CCDC171: variants seen among roughly 807,000 people sequenced by gnomAD.
CCDC171 encodes coiled-coil domain containing 171.
A neutral mutation model predicts 168.2 loss-of-function variants in CCDC171; 177 were observed. The ratio of observed to expected loss-of-function variants is 1.05; its 90% CI spans 0.93 to 1.19. The LOEUF is 1.19. Ranked by LOEUF, CCDC171 falls within the 50% of genes most tolerant of loss-of-function variation. The pLI is 0.00. For missense variants in CCDC171, 1,991 were observed against 1,539.0 expected, an observed-to-expected ratio of 1.29 and a Z score of -4.91; for synonymous variants, 687 against 540.8, an observed-to-expected ratio of 1.27 and a Z score of -3.75.
At chr9:15,703,558 A>G (rs1005478804) in intron 11 of CCDC171, among the ~76,000 whole-genome samples, 26 of 152,164 alleles carry the variant, frequency 1.7e-4, no homozygotes, top group African/African-American at 6.0e-4. Context: ...AATGTCCTCC[A>G]GTTTCATCCA....
chr9:15,791,787 C>G (rs1205062339), intron 21 of CCDC171, among the ~76,000 whole-genome samples: 1 of 152,132 alleles, frequency 6.6e-6, no homozygotes, highest in Non-Finnish European at 1.5e-5. Context: ...GGAAAACTAA[C>G]AAACAGAAAG....
intron 21 of CCDC171, among the ~76,000 whole-genome samples, chr9:15,822,539 C>A (rs571477711): frequency 1.3e-5 from 2 of 152,144 alleles, no homozygotes; most frequent in African/African-American, 2.4e-5. Flanking sequence ...TGAACAGACA[C>A]TTCTCAAAAG....
chr9:15,894,259 C>T (rs2131542964), intron 24 of CCDC171, among the ~76,000 whole-genome samples: 1 of 152,056 alleles, frequency 6.6e-6, no homozygotes, highest in East Asian at 1.9e-4. Context: ...AAGAACAACA[C>T]ATACTGGGGC....
chr9:15,894,275 G>T (rs1003570050), intron 24 of CCDC171, among the ~76,000 whole-genome samples: 4 of 151,936 alleles, frequency 2.6e-5, no homozygotes, highest in Non-Finnish European at 5.9e-5. Flanking sequence ...GGGGCTTGTT[G>T]GGGGCGAGTT....
chr9:15,981,949 C>T (rs1469753253), intron 3 of CCDC171, among the ~76,000 whole-genome samples: 2 of 152,130 alleles, frequency 1.3e-5, no homozygotes, highest in African/African-American at 4.8e-5. Context: ...CAGTAAAAAG[C>T]TTTCAATTCT....
intron 16 of CCDC171, among the ~76,000 whole-genome samples, chr9:15,732,943 A>G (rs1175272161): frequency 6.6e-6 from 1 of 152,092 alleles, no homozygotes; most frequent in Non-Finnish European, 1.5e-5. Context: ...AGAGATTTTG[A>G]TTTGGTCTGC....
At chr9:16,095,310 A>C in the CCDC171 span, among the ~76,000 whole-genome samples, 2 of 152,296 alleles carry the variant, frequency 1.3e-5, no homozygotes, top group East Asian at 3.9e-4. Context: ...CTACATTCAC[A>C]TACGGGCCCA....
chr9:15,568,827 A>T (rs1351097516), intron 2 of CCDC171, among the ~76,000 whole-genome samples: 2 of 151,576 alleles, frequency 1.3e-5, no homozygotes, highest in African/African-American at 4.8e-5. Context: ...TAATTTGCAA[A>T]TTTTTTTTCC....
At chr9:15,918,442 AC>A (rs1490417242) in intron 24 of CCDC171, among the ~76,000 whole-genome samples, 2 of 151,074 alleles carry the variant, frequency 1.3e-5, no homozygotes, top group Non-Finnish European at 3.0e-5. Flanking sequence ...AAAAAAAAAA[AC>A]CAGGACTTGT....
intron 25 of CCDC171, among the ~76,000 whole-genome samples, chr9:15,927,479 G>A (rs984070791): frequency 2.0e-5 from 3 of 151,668 alleles, no homozygotes; most frequent in African/African-American, 4.8e-5. Context: ...TGTGAGTTAT[G>A]ATGCTGCAAA....
chr9:15,777,672 A>T lies in CCDC171; in HGVS notation c.2744A>T (p.Lys915Ile). 6.2e-7 allele frequency: 1 copy of T among 1,614,090 alleles called. No individual in the cohort carries two copies. Among genetic ancestry groups the T allele is most frequent in the Non-Finnish European group, 8.5e-7 (1 of 1,180,000 alleles). Residue 915 changes from lysine (K) to isoleucine (I), a missense_variant, in exon 19 of 26, where the codon AAA (lysine) becomes ATA (isoleucine). By Grantham distance (102) the Lys-to-Ile change is moderately radical (BLOSUM62 -3). Transcript: ENST00000380701. ...AKNSFAKLMD[K>I]ISLVMECIPL... Reference sequence around the variant, plus strand: ...AATTCTTTTGCAAAACTCATGGATAAAATTAGTCTGGTAATGGAATGTATA... The same window carrying T: ...AATTCTTTTGCAAAACTCATGGATATAATTAGTCTGGTAATGGAATGTATA...
chr9:15,637,896 T>A (rs2132455863), intron 7 of CCDC171, among the ~76,000 whole-genome samples: 1 of 152,166 alleles, frequency 6.6e-6, no homozygotes. Context: ...TGGTTCCAAG[T>A]CTTTGCTATT....
At chr9:15,826,977 T>G (rs1342966685) in intron 21 of CCDC171, among the ~76,000 whole-genome samples, 1 of 152,182 alleles carries the variant, frequency 6.6e-6, no homozygotes, top group East Asian at 1.9e-4. Context: ...CATTTAAGAA[T>G]GAAGAAAAAA....
chr9:15,650,881 C>T (rs942136867), intron 7 of CCDC171, among the ~76,000 whole-genome samples: 1 of 151,924 alleles, frequency 6.6e-6, no homozygotes, highest in Non-Finnish European at 1.5e-5. Context: ...ATCTCTCTTC[C>T]AGCTATTTTA....
intron 21 of CCDC171, among the ~76,000 whole-genome samples, chr9:15,840,777 C>T (rs990670031): frequency 2.6e-5 from 4 of 150,970 alleles, no homozygotes; most frequent in Non-Finnish European, 5.9e-5. Context: ...TACTATCCTC[C>T]TTTTTTTTTG....
At chr9:15,719,658 T>C (rs1023582008) in intron 11 of CCDC171, among the ~76,000 whole-genome samples, 3 of 152,288 alleles carry the variant, frequency 2.0e-5, no homozygotes, top group South Asian at 2.1e-4. Flanking sequence ...AATAAAACTT[T>C]ATTTTATTTA....
chr9:15,856,245 C>G (rs1432475002), intron 23 of CCDC171, among the ~76,000 whole-genome samples: 1 of 151,844 alleles, frequency 6.6e-6, no homozygotes, highest in Non-Finnish European at 1.5e-5. Flanking sequence ...ATATTGTTAA[C>G]CACAGGTACA....
At chr9:15,677,345 G>A (rs1587906283) in intron 9 of CCDC171, among the ~76,000 whole-genome samples, 1 of 151,940 alleles carries the variant, frequency 6.6e-6, no homozygotes, top group South Asian at 2.1e-4. Context: ...CTAATCTAAA[G>A]GAGAATATAC....
intron 4 of CCDC171, among the ~76,000 whole-genome samples, chr9:15,581,485 C>T (rs1433289758): frequency 6.6e-6 from 1 of 152,072 alleles, no homozygotes; most frequent in African/African-American, 2.4e-5. Flanking sequence ...CAATCCTAAG[C>T]AAAAAGAACA....
Sources: allele counts gnomAD v4.1 joint callset (sites outside exome capture counted in the v4.1 genomes callset), GRCh38; gene constraint gnomAD v4.1.1; transcripts MANE v1.5; gene names NCBI Gene and HGNC (gene_info 2026-07-23, HGNC 2026-07-21).